Variants in ENTREP2 observed in about 807,000 individuals in gnomAD.
ENTREP2 encodes endosomal transmembrane epsin interactor 2, also known as protein ENTREP2.
At chr15:29,600,990 C>T in the ENTREP2 span, among the ~76,000 whole-genome samples, 5,274 of 145,672 alleles carry the variant, frequency 0.036, 138 homozygotes, top group African/African-American at 0.14. Flanking sequence ...CTCCGCCTCC[C>T]GGGTTCACGC....
At chr15:29,447,961 G>A in the ENTREP2 span, among the ~76,000 whole-genome samples, 1 of 152,052 alleles carries the variant, frequency 6.6e-6, no homozygotes, top group African/African-American at 2.4e-5. Flanking sequence ...ACCTACTTGG[G>A]AGGCTAAGGC....
chr15:29,214,432 G>A, the ENTREP2 span, among the ~76,000 whole-genome samples: 8 of 152,150 alleles, frequency 5.3e-5, no homozygotes, highest in African/African-American at 1.4e-4. Flanking sequence ...GCAAACTATC[G>A]CAAGGACAAA....
chr15:29,232,597 A>G, the ENTREP2 span, among the ~76,000 whole-genome samples: 2 of 151,486 alleles, frequency 1.3e-5, no homozygotes, highest in African/African-American at 4.9e-5. Context: ...GGCTCAAGCA[A>G]TCCTCCTGCC....
the ENTREP2 span, among the ~76,000 whole-genome samples, chr15:29,377,834 A>G: frequency 2.3e-5 from 3 of 132,192 alleles, no homozygotes; most frequent in Non-Finnish European, 4.9e-5. Context: ...AATAATAATA[A>G]TAATAATAAT....
At chr15:29,483,865 T>C in the ENTREP2 span, among the ~76,000 whole-genome samples, 1 of 152,254 alleles carries the variant, frequency 6.6e-6, no homozygotes, top group Non-Finnish European at 1.5e-5. Context: ...ACAAAATGAT[T>C]GATTTTATTA....
chr15:29,177,973 T>A, the ENTREP2 span, among the ~76,000 whole-genome samples: 1 of 151,926 alleles, frequency 6.6e-6, no homozygotes, highest in Non-Finnish European at 1.5e-5. Context: ...TTAAAGTGCC[T>A]AAAAATACTC....
At chr15:29,587,231 C>T in the ENTREP2 span, among the ~76,000 whole-genome samples, 7 of 147,028 alleles carry the variant, frequency 4.8e-5, no homozygotes, top group Non-Finnish European at 7.4e-5. Context: ...AAACAATGAC[C>T]AACCCAGTAG....
the ENTREP2 span, among the ~76,000 whole-genome samples, chr15:29,224,192 T>C: frequency 2.0e-5 from 3 of 152,122 alleles, no homozygotes; most frequent in African/African-American, 7.2e-5. Context: ...TGGTGAGTGT[T>C]ACAGCTCTCA....
chr15:29,159,533 C>T, the ENTREP2 span, among the ~76,000 whole-genome samples: 2 of 152,022 alleles, frequency 1.3e-5, no homozygotes, highest in Non-Finnish European at 2.9e-5. Context: ...TACAGAGAGC[C>T]GATTGGTCCA....
the ENTREP2 span, among the ~76,000 whole-genome samples, chr15:29,471,853 C>A: frequency 6.6e-6 from 1 of 152,200 alleles, no homozygotes; most frequent in Non-Finnish European, 1.5e-5. Flanking sequence ...AGCCCACATG[C>A]ACACGTGGAG....
the ENTREP2 span, among the ~76,000 whole-genome samples, chr15:29,197,244 G>C: frequency 6.6e-6 from 1 of 152,188 alleles, no homozygotes; most frequent in Non-Finnish European, 1.5e-5. Flanking sequence ...CTCAGTGAGA[G>C]GGAAGAGAAC....
the ENTREP2 span, chr15:29,234,097 A>G: frequency 6.7e-7 from 1 of 1,501,128 alleles, no homozygotes; most frequent in Non-Finnish European, 9.3e-7. Context: ...TTGATAACAT[A>G]TCAGACATTC....
the ENTREP2 span, among the ~76,000 whole-genome samples, chr15:29,639,588 GA>G: frequency 1.3e-5 from 2 of 151,678 alleles, no homozygotes; most frequent in Non-Finnish European, 1.5e-5. Flanking sequence ...TAATAACAAA[GA>G]AAAAAGATCT....
chr15:29,367,237 C>T, the ENTREP2 span, among the ~76,000 whole-genome samples: 80 of 152,290 alleles, frequency 5.3e-4, 2 homozygotes, highest in African/African-American at 1.8e-3. Context: ...AATAAAAGCT[C>T]ACATGCCTGG....
chr15:29,490,659 C>G, the ENTREP2 span, among the ~76,000 whole-genome samples: 1 of 152,224 alleles, frequency 6.6e-6, no homozygotes, highest in Non-Finnish European at 1.5e-5. Context: ...TTCTCCAAGT[C>G]CCCACTAGAT....
At chr15:29,461,332 G>A in the ENTREP2 span, among the ~76,000 whole-genome samples, 1 of 152,034 alleles carries the variant, frequency 6.6e-6, no homozygotes, top group Non-Finnish European at 1.5e-5. Flanking sequence ...CAACACACCA[G>A]AAAACATGAG....
chr15:29,576,941 G>A, the ENTREP2 span, among the ~76,000 whole-genome samples: 1 of 152,084 alleles, frequency 6.6e-6, no homozygotes, highest in South Asian at 2.1e-4. Context: ...CCGAGTAGCT[G>A]GGACTACAGG....
the ENTREP2 span, among the ~76,000 whole-genome samples, chr15:29,308,788 G>C: frequency 6.6e-6 from 1 of 152,182 alleles, no homozygotes; most frequent in Non-Finnish European, 1.5e-5. Context: ...AAAAACAGCA[G>C]AGGCAAGAAG....
the ENTREP2 span, among the ~76,000 whole-genome samples, chr15:29,506,868 T>A: frequency 6.6e-6 from 1 of 152,316 alleles, no homozygotes; most frequent in East Asian, 1.9e-4. Flanking sequence ...AATAACCAGC[T>A]AGGATCTTAA....
Sources: allele counts gnomAD v4.1 joint callset (sites outside exome capture counted in the v4.1 genomes callset), GRCh38; gene constraint gnomAD v4.1.1; transcripts MANE v1.5; gene names NCBI Gene and HGNC (gene_info 2026-07-23, HGNC 2026-07-21).